KRT85: variants seen among roughly 807,000 people sequenced by gnomAD.
KRT85 encodes keratin 85, also known as keratin, type II cuticular Hb5.
In KRT85, 39 loss-of-function variants were observed where a neutral mutation model predicts 53.7. The observed-to-expected ratio is 0.73, with a 90% CI of 0.56 to 0.95. KRT85 has a LOEUF of 0.95. Ranked by LOEUF, KRT85 falls within the 40% of genes least tolerant of loss-of-function variation. The probability of loss-of-function intolerance (pLI) is 0.00; values close to 1 mark genes in which losing one functional copy is unlikely to be tolerated. For synonymous variants in KRT85, 291 were observed against 277.5 expected (o/e 1.05, Z -0.48); for missense variants, 668 against 686.0 (o/e 0.97, Z 0.29).
At chr12:52,361,359 G>C (rs1939188335) in intron 8 of KRT85, 108 bp downstream of exon 8, 1 of 1,027,904 alleles carries the variant, frequency 9.7e-7, no homozygotes, top group African/African-American at 1.6e-5. Flanking sequence ...AGCCAGGGGA[G>C]GGTGAAACAG....
At chr12:52,365,603 C>T (rs1432745343) in intron 1 of KRT85, among the ~76,000 whole-genome samples, 1 of 152,210 alleles carries the variant, frequency 6.6e-6, no homozygotes, top group African/African-American at 2.4e-5. Flanking sequence ...ATTTATGCAA[C>T]AAACACTTAT....
rs1282064371 is a variant in KRT85, at chr12:52,360,974, G to A, written c.1403C>T (p.Thr468Ile). 6 of 1,613,488 alleles carry A rather than the reference G, an allele frequency of 3.7e-6. No homozygotes were observed. The highest frequency in any genetic ancestry group is 8.5e-7 in the Non-Finnish European group (1 of 1,179,938). ...GCCGCCTATGGCTGAGGGGCCAGAA[G>A]TGATCTGGCGCCCTGGGGTGGTGCT... ...SYSTTPGRQI[T>I]SGPSAIGGSI... is the part of the protein sequence containing the mutation. The change falls in exon 9 of 9, where the codon ACT becomes ATT. Residue 468 changes from threonine to isoleucine, a missense_variant. Thr to Ile is a moderately conservative substitution (Grantham distance 89). Coordinates refer to ENST00000257901, the MANE Select transcript of KRT85 (RefSeq NM_002283.4).
At chr12:52,366,004 A>G (rs1014314455) in intron 1 of KRT85, among the ~76,000 whole-genome samples, 2 of 151,936 alleles carry the variant, frequency 1.3e-5, no homozygotes, top group African/African-American at 4.8e-5. Flanking sequence ...CTGCCCCCAA[A>G]CCCTGATCCT....
chr12:52,363,770 C>T (rs772240646), intron 4 of KRT85, among the ~76,000 whole-genome samples: 5 of 152,184 alleles, frequency 3.3e-5, no homozygotes, highest in Non-Finnish European at 7.3e-5. Context: ...TGACCCCCAC[C>T]ACACATGCAC....
Position 52,362,947 on chromosome 12 carries a change from A to G in KRT85, c.984T>C (p.His328=), listed in dbSNP as rs1012570078. 3.1e-6 allele frequency: 5 copies of G among 1,614,084 alleles called. No homozygotes were observed. The highest frequency in any genetic ancestry group is 1.6e-4 in the Middle Eastern group (1 of 6,062). ...CEEMKATVIR[H]GETLRRTKEE... is the part of the protein sequence containing the mutation. The stretch of plus-strand genomic sequence containing the variant: ...CCTTGGTGCGGCGCAGGGTCTCCCC[A>G]TGCCTGATCACCGTGGCCTTCATCT... Residue 328 remains histidine (H), a synonymous_variant, in exon 6 of 9, where the codon CAT becomes CAC. Coordinates refer to ENST00000257901, the MANE Select transcript of KRT85 (RefSeq NM_002283.4).
rs776604969 is a variant in KRT85 at position 52,366,228 on chromosome 12, T to G, written c.420+758A>C. Among the ~76,000 whole-genome samples, 32 of 152,362 alleles carry G rather than the reference T, an allele frequency of 2.1e-4. 1 individual carries two copies. Among genetic ancestry groups the G allele is most frequent in the Non-Finnish European group, 2.6e-4 (18 of 68,028 alleles). On this transcript the variant is annotated intron_variant, in intron 1 of 8. Coordinates refer to ENST00000257901, the MANE Select transcript of KRT85 (RefSeq NM_002283.4). ...TTTCAGCCCTCTCTCATGAAGGGGC[T>G]GCCAGGCCTGGGTTGGCTGTCACAC...
Position 52,364,998 on chromosome 12 carries a change from T to G in KRT85, c.593A>C (p.Asn198Thr). The change falls in exon 2 of 9, where the codon AAC becomes ACC. Residue 198 changes from asparagine (N) to threonine (T), a missense_variant. Around this residue, in one of 3 missense-constraint regions of KRT85, gnomAD observed 488 missense variants for 498.1 expected, o/e 0.98. Coordinates refer to ENST00000257901, the MANE Select transcript of KRT85 (RefSeq NM_002283.4). ...ADSGRLASEL[N>T]HVQEVLEGYK... ...GCCCTCCAGCACCTCCTGCACATGG[T>G]TGAGCTCTGAGGCCAGCCTCCCGCT... 1 of 1,613,016 alleles carries G rather than the reference T, an allele frequency of 6.2e-7. No homozygotes were observed. Among genetic ancestry groups the G allele is most frequent in the Non-Finnish European group, 8.5e-7 (1 of 1,180,006 alleles).
chr12:52,364,681 A>AT (rs1374700803), intron 2 of KRT85: 2 of 1,436,398 alleles, frequency 1.4e-6, no homozygotes, highest in African/African-American at 2.9e-5. Context: ...AGCCCATGTC[A>AT]TAAAGGTAAG....
At chr12:52,366,933 C>A (rs1037651850) in intron 1 of KRT85, 53 bp downstream of exon 1, 5 of 1,613,902 alleles carry the variant, frequency 3.1e-6, no homozygotes, top group Non-Finnish European at 4.2e-6. Context: ...TGGGACCTCC[C>A]CAAGGGAGGA....
intron 1 of KRT85, among the ~76,000 whole-genome samples, chr12:52,365,960 T>C (rs1592142643): frequency 6.6e-6 from 1 of 152,150 alleles, no homozygotes; most frequent in Non-Finnish European, 1.5e-5. Context: ...CTCAGATCAC[T>C]AAAGAAAGAG....
chr12:52,362,529 C>T (rs923486790), intron 6 of KRT85, 58 bp from the exon 7 acceptor site: 52 of 1,597,790 alleles, frequency 3.3e-5, no homozygotes, highest in Non-Finnish European at 3.9e-5. Context: ...CTTGGCTCAC[C>T]CAAGCTGATG....
chr12:52,361,061 G>C lies in KRT85; in HGVS notation c.1331-15C>G. On this transcript the variant is annotated splice_polypyrimidine_tract_variant and intron_variant, in intron 8 of 8. Coordinates refer to ENST00000257901, the MANE Select transcript of KRT85 (RefSeq NM_002283.4). Reference sequence around the variant, plus strand: ...GCTGCTGACACCTGTGGAGAGAGGAGACATGGAGGGGTGAGCAGCTCCCTG... The same window carrying C: ...GCTGCTGACACCTGTGGAGAGAGGACACATGGAGGGGTGAGCAGCTCCCTG... 6.2e-7 allele frequency: 1 copy of C among 1,602,118 alleles called. No individual in the cohort carries two copies. Among genetic ancestry groups the C allele is most frequent in the Non-Finnish European group, 8.5e-7 (1 of 1,173,404 alleles).
intron 1 of KRT85, among the ~76,000 whole-genome samples, chr12:52,366,484 G>A (rs1347627961): frequency 1.3e-5 from 2 of 152,114 alleles, no homozygotes; most frequent in East Asian, 1.9e-4. Context: ...GCCCCTTCAC[G>A]GGCTGCCTGG....
rs987937279 is a variant in KRT85, at chr12:52,364,377, G to A, written c.630-11C>T. 6 of 1,614,050 alleles carry A rather than the reference G, an allele frequency of 3.7e-6. No individual in the cohort carries two copies. In the African/African-American group the frequency reaches 8.0e-5, roughly 22 times the overall value. On this transcript the variant is annotated splice_polypyrimidine_tract_variant and intron_variant, in intron 2 of 8. Transcript: ENST00000257901. ...ACCTCCTCTTCATACCTGGGTGTGG[G>A]AGAGAGAAGGTCTGGAGCTGAGAAA...
Position 52,365,173 on chromosome 12 carries a change from G to A in KRT85, c.421-3C>T, listed in dbSNP as rs1232515753. On this transcript the variant is annotated splice_region_variant and splice_polypyrimidine_tract_variant and intron_variant, in intron 1 of 8. Coordinates refer to ENST00000257901, the MANE Select transcript of KRT85 (RefSeq NM_002283.4). ...TTCTGCTGCTCCAGGAAGCGCACCTGCCATTCAGGTGGAAAGAAGAAGTCA... is the reference window on the plus strand; with the variant it reads ...TTCTGCTGCTCCAGGAAGCGCACCTACCATTCAGGTGGAAAGAAGAAGTCA... The A allele has an allele frequency of 6.2e-7, 1 of 1,614,166 alleles. No individual in the cohort carries two copies. Among genetic ancestry groups the A allele is most frequent in the African/African-American group, 1.3e-5 (1 of 75,070 alleles).
In KRT85 at chr12:52,362,911, G is replaced by C; in HGVS notation, c.1020C>G (p.Asn340Lys). The change falls in exon 6 of 9, where the codon AAC (asparagine) becomes AAG (lysine). Residue 340 changes from asparagine (N) to lysine (K), a missense_variant. This residue lies in a region of KRT85 where 488 missense variants were observed against 498.1 expected (regional missense o/e 0.98). Transcript: ENST00000257901. ...GCCTCTGGATCATGCGGTTCAGCTC[G>C]TTGATCTCCTCCTTGGTGCGGCGCA... ...ETLRRTKEEI[N>K]ELNRMIQRLT... 1 of 1,614,134 alleles carries C rather than the reference G, an allele frequency of 6.2e-7. No homozygotes were observed. Among genetic ancestry groups the C allele is most frequent in the Non-Finnish European group, 8.5e-7 (1 of 1,180,036 alleles).
intron 4 of KRT85, among the ~76,000 whole-genome samples, 195 bp downstream of exon 4, chr12:52,363,873 A>C (rs1454248545): frequency 6.6e-6 from 1 of 152,128 alleles, no homozygotes; most frequent in Non-Finnish European, 1.5e-5. Flanking sequence ...GAACATGTAC[A>C]CCCCATGCTC....
intron 8 of KRT85, 138 bp from the exon 9 acceptor site, chr12:52,361,184 T>G (rs1222541997): frequency 4.7e-6 from 4 of 846,560 alleles, no homozygotes; most frequent in African/African-American, 1.7e-5. Context: ...GTCCCTGAGA[T>G]GCACAGCCCA....
chr12:52,367,420 C>T lies in KRT85; in HGVS notation c.-15G>A. 1 of 1,613,846 alleles carries T rather than the reference C, an allele frequency of 6.2e-7. No individual in the cohort carries two copies. Among genetic ancestry groups the T allele is most frequent in the Non-Finnish European group, 8.5e-7 (1 of 1,179,954 alleles). The stretch of plus-strand genomic sequence containing the variant: ...CGGCACGACATCGTGTGAGGCTGAG[C>T]AGAGTCTGAGAGGCAGCGGAAGGTG... On this transcript the variant is annotated 5_prime_UTR_variant, in exon 1 of 9. Transcript: ENST00000257901.
Sources: gnomAD v4.1 joint callset for allele counts (sites outside exome capture counted in the v4.1 genomes callset) on GRCh38, gnomAD v4.1.1 for gene constraint, gnomAD v4.1.1 regional missense constraint, MANE v1.5 for transcripts, NCBI Gene and HGNC (gene_info 2026-07-23, HGNC 2026-07-21) for gene names.